The following SPATA6 variants were observed in gnomAD, a reference collection of about 807,000 sequenced individuals.
SPATA6 encodes the protein spermatogenesis associated 6.
Under a neutral mutation model 65.3 loss-of-function variants are expected in SPATA6, and 56 were observed. The ratio of observed to expected loss-of-function variants is 0.86; its 90% CI spans 0.69 to 1.07. The LOEUF is 1.07. SPATA6 is among the 50% of genes least tolerant of loss of function. The pLI, the probability that SPATA6 is intolerant of heterozygous loss-of-function variation, is 0.00. For missense variants in SPATA6, 590 were observed against 594.8 expected (o/e 0.99, Z 0.08); for synonymous variants, 199 against 213.2 (o/e 0.93, Z 0.58).
chr1:48,277,770 G>A, the SPATA6 span, among the ~76,000 whole-genome samples: 1 of 152,220 alleles, frequency 6.6e-6, no homozygotes, highest in Non-Finnish European at 1.5e-5. Context: ...CAAACAAAAA[G>A]ACAGCAGTAA....
intron 3 of SPATA6, among the ~76,000 whole-genome samples, chr1:48,426,929 C>CT (rs534847545): frequency 0.016 from 2,301 of 144,744 alleles, 55 homozygotes; most frequent in African/African-American, 0.053. Context: ...TCAGTTCAAT[C>CT]TTTTTTTTTT....
intron 9 of SPATA6, among the ~76,000 whole-genome samples, chr1:48,363,323 T>C (rs1191469764): frequency 6.6e-6 from 1 of 152,184 alleles, no homozygotes; most frequent in Non-Finnish European, 1.5e-5. Flanking sequence ...ATTATCTCTT[T>C]AGCTCATCAC....
At chr1:48,342,480 G>A (rs1419510187) in intron 11 of SPATA6, among the ~76,000 whole-genome samples, 1 of 151,944 alleles carries the variant, frequency 6.6e-6, no homozygotes, top group Non-Finnish European at 1.5e-5. Flanking sequence ...GTCGGACGTG[G>A]TGGCCCGCCC....
intron 12 of SPATA6, among the ~76,000 whole-genome samples, chr1:48,301,380 A>G (rs1340300373): frequency 6.6e-6 from 1 of 152,100 alleles, no homozygotes; most frequent in Non-Finnish European, 1.5e-5. Context: ...AGAAAATGGA[A>G]AGATATTCCA....
chr1:48,433,235 G>A (rs1026321988), intron 3 of SPATA6, among the ~76,000 whole-genome samples: 5 of 152,078 alleles, frequency 3.3e-5, no homozygotes, highest in Non-Finnish European at 7.4e-5. Context: ...CATTATAAAT[G>A]TATTTAATAC....
chr1:48,328,910 A>G (rs1354350211), intron 11 of SPATA6, among the ~76,000 whole-genome samples: 2 of 152,186 alleles, frequency 1.3e-5, no homozygotes, highest in East Asian at 3.8e-4. Flanking sequence ...TCTGGTAAGT[A>G]TAGAAAAGAT....
At chr1:48,460,844 AATTATT>A (rs1657376078) in intron 1 of SPATA6, among the ~76,000 whole-genome samples, 1 of 152,128 alleles carries the variant, frequency 6.6e-6, no homozygotes, top group South Asian at 2.1e-4. Flanking sequence ...ATAAATTTTA[AATTATT>A]AAGTACAAAT....
chr1:48,281,733 C>A, the SPATA6 span, among the ~76,000 whole-genome samples: 1 of 151,872 alleles, frequency 6.6e-6, no homozygotes, highest in Non-Finnish European at 1.5e-5. Context: ...TAGGAAGAAT[C>A]AATATCGTGA....
intron 3 of SPATA6, among the ~76,000 whole-genome samples, chr1:48,417,887 GTTT>G (rs1652927328): frequency 6.6e-6 from 1 of 151,784 alleles, no homozygotes; most frequent in South Asian, 2.1e-4. Flanking sequence ...TTGTTGTTTG[GTTT>G]TTTTTGTTTG....
At position 48,435,930 on chromosome 1, in the gene SPATA6, G is replaced by C. The variant is rs192941568; in HGVS notation, c.238+15622C>G. 7.7e-6 allele frequency: 12 copies of C among 1,566,880 alleles called. No individual in the cohort carries two copies. In the African/African-American group the frequency reaches 1.6e-4, roughly 21 times the overall value. The stretch of plus-strand genomic sequence containing the variant: ...ACAAAAGCCTTCTTTGGAATAGATG[G>C]ATTTTTGTCACTTTCTGTGTGAACT... On this transcript the variant is annotated intron_variant, in intron 3 of 12. Coordinates refer to ENST00000371847, the MANE Select transcript of SPATA6 (RefSeq NM_019073.4).
At chr1:48,295,097 G>A (rs1163297927), downstream of SPATA6, among the ~76,000 whole-genome samples, 1 of 152,134 alleles carries the variant, frequency 6.6e-6, no homozygotes, top group Non-Finnish European at 1.5e-5. Context: ...AGGCTTGAAT[G>A]TATAACTTGC....
At chr1:48,299,964 G>A (rs939524727) in intron 12 of SPATA6, among the ~76,000 whole-genome samples, 4 of 152,142 alleles carry the variant, frequency 2.6e-5, no homozygotes, top group African/African-American at 7.2e-5. Context: ...AGAAGAGTTT[G>A]AAGTGAAAGG....
chr1:48,277,310 A>G, the SPATA6 span, among the ~76,000 whole-genome samples: 1 of 152,186 alleles, frequency 6.6e-6, no homozygotes, highest in East Asian at 1.9e-4. Context: ...CTCACTAGGG[A>G]GTGCCAGACA....
chr1:48,418,268 C>G (rs1430057464), intron 3 of SPATA6, among the ~76,000 whole-genome samples: 2 of 151,686 alleles, frequency 1.3e-5, no homozygotes, highest in Admixed American at 6.6e-5. Flanking sequence ...AATGGAAGAA[C>G]AAAAAAGGGA....
chr1:48,362,461 A>G (rs1646843940), intron 9 of SPATA6, among the ~76,000 whole-genome samples: 1 of 152,140 alleles, frequency 6.6e-6, no homozygotes, highest in African/African-American at 2.4e-5. Context: ...ATTGCTTTAT[A>G]TAAAGCCTTT....
intron 3 of SPATA6, among the ~76,000 whole-genome samples, chr1:48,418,544 C>CAAAAAAAAAAAAAAAAAAA (rs34415296): frequency 4.0e-5 from 2 of 49,696 alleles, no homozygotes; most frequent in Admixed American, 7.7e-4. Context: ...CCCATCCCTA[C>CAAAAAAAAAAAAAAAAAAA]AAAAAAAAAA....
At chr1:48,376,911 T>C (rs191693634) in intron 9 of SPATA6, among the ~76,000 whole-genome samples, 11 of 152,266 alleles carry the variant, frequency 7.2e-5, no homozygotes, top group Admixed American at 5.9e-4. Flanking sequence ...ATAGAAAAAG[T>C]ACAACAAAAA....
intron 5 of SPATA6, among the ~76,000 whole-genome samples, chr1:48,408,524 T>C (rs890318930): frequency 6.6e-6 from 1 of 152,230 alleles, no homozygotes; most frequent in African/African-American, 2.4e-5. Flanking sequence ...ATATCAATTA[T>C]TTCAATTTTT....
intron 3 of SPATA6, among the ~76,000 whole-genome samples, chr1:48,428,712 GAAGAA>G (rs1162460097): frequency 1.3e-5 from 2 of 151,284 alleles, no homozygotes; most frequent in East Asian, 1.9e-4. Flanking sequence ...GGCAGAGACA[GAAGAA>G]AATGGATCCA....
Sources: allele counts gnomAD v4.1 joint callset (sites outside exome capture counted in the v4.1 genomes callset), GRCh38; gene constraint gnomAD v4.1.1; transcripts MANE v1.5; gene names NCBI Gene and HGNC (gene_info 2026-07-23, HGNC 2026-07-21).